ANXA10: variants seen among roughly 807,000 people sequenced by gnomAD.
ANXA10 encodes annexin A10, also known as annexin 14.
A neutral mutation model predicts 53.5 loss-of-function variants in ANXA10; 49 were observed. That is an observed-to-expected ratio of 0.92 (90% confidence interval 0.73 to 1.16). ANXA10 has a LOEUF of 1.16. Among genes scored for constraint, ANXA10 ranks in the 50% most tolerant of loss-of-function variants. ANXA10 has a pLI of 0.00. For synonymous variants in ANXA10, 131 were observed against 128.9 expected (o/e 1.02, Z -0.11); for missense variants, 393 against 394.4 (o/e 1.00, Z 0.03).
intron 1 of ANXA10, among the ~76,000 whole-genome samples, chr4:168,094,171 T>A (rs1730507030): frequency 6.6e-6 from 1 of 152,172 alleles, no homozygotes; most frequent in Admixed American, 6.5e-5. Context: ...AATATTTAAA[T>A]TATATTTCTG....
intron 1 of ANXA10, among the ~76,000 whole-genome samples, chr4:168,126,575 T>C (rs946817725): frequency 1.1e-4 from 17 of 152,174 alleles, no homozygotes; most frequent in Non-Finnish European, 2.4e-4. Context: ...TATTCATTCA[T>C]AGATGTGGTT....
At chr4:168,134,525 AT>A (rs1731206426) in intron 2 of ANXA10, among the ~76,000 whole-genome samples, 1 of 152,220 alleles carries the variant, frequency 6.6e-6, no homozygotes, top group African/African-American at 2.4e-5. Flanking sequence ...AATAGTAAGA[AT>A]AAGACAAAGA....
chr4:168,146,734 C>G (rs1197738797), intron 3 of ANXA10, among the ~76,000 whole-genome samples: 1 of 152,102 alleles, frequency 6.6e-6, no homozygotes, highest in Non-Finnish European at 1.5e-5. Context: ...GTTATCAGAA[C>G]CTGCATTTTT....
intron 2 of ANXA10, among the ~76,000 whole-genome samples, chr4:168,136,199 G>A (rs879416093): frequency 1.3e-5 from 2 of 152,106 alleles, no homozygotes; most frequent in Non-Finnish European, 2.9e-5. Context: ...CATGAGCTTT[G>A]CAAAGAGACA....
intron 3 of ANXA10, among the ~76,000 whole-genome samples, chr4:168,140,890 G>A (rs1305599310): frequency 2.6e-5 from 4 of 152,226 alleles, no homozygotes; most frequent in Non-Finnish European, 1.5e-5. Context: ...AAAGTGTTGG[G>A]ATTACAGGCG....
intron 10 of ANXA10, 95 bp downstream of exon 10, chr4:168,181,836 A>AT (rs1732254148): frequency 2.1e-6 from 2 of 961,630 alleles, no homozygotes; most frequent in South Asian, 2.8e-5. Context: ...GTTCATTACC[A>AT]TTTTTGAACT....
Position 168,156,171 on chromosome 4 carries a change from T to A in ANXA10, c.196-6357T>A, listed in dbSNP as rs28802105. On this transcript the variant is annotated intron_variant, in intron 3 of 11. Coordinates refer to ENST00000359299, the MANE Select transcript of ANXA10 (RefSeq NM_007193.5). ...TAATATATATTATATATTATATATA[T>A]TATATTATATATTATATATTATATA... Among the ~76,000 whole-genome samples the A allele has an allele frequency of 3.5e-4, 11 of 31,236 alleles. No homozygotes were observed. In the South Asian group the frequency reaches 0.011, roughly 30 times the overall value. The allele number at this position is 31,236 out of a possible 152,430, so 20.5% of individuals were successfully genotyped here.
At chr4:168,173,846 T>A (rs990318780) in intron 6 of ANXA10, among the ~76,000 whole-genome samples, 1 of 152,192 alleles carries the variant, frequency 6.6e-6, no homozygotes, top group Non-Finnish European at 1.5e-5. Flanking sequence ...AATTGGTTTT[T>A]TACACTGTTG....
At chr4:168,130,330 T>C (rs1314471389) in intron 2 of ANXA10, among the ~76,000 whole-genome samples, 1 of 152,130 alleles carries the variant, frequency 6.6e-6, no homozygotes, top group African/African-American at 2.4e-5. Flanking sequence ...CACTTAATCA[T>C]GAAATATAAT....
At chr4:168,153,454 C>CAAA (rs1560782337) in intron 3 of ANXA10, among the ~76,000 whole-genome samples, 3 of 33,776 alleles carry the variant, frequency 8.9e-5, no homozygotes, top group Non-Finnish European at 1.4e-4. Flanking sequence ...AAAACAAAAA[C>CAAA]AAAACAAAAA....
chr4:168,181,541 TAGTGTTACCATTATTCTA>T (rs1407790365), intron 9 of ANXA10, 124 bp from the exon 10 acceptor site: 12 of 709,366 alleles, frequency 1.7e-5, no homozygotes, highest in Non-Finnish European at 2.7e-5. Flanking sequence ...CTGTGGCTTA[TAGTGTTACCATTATTCTA>T]AGTGTTGACC....
At chr4:168,165,670 ATTTCTTTCTTTC>A (rs145800072) in intron 6 of ANXA10, among the ~76,000 whole-genome samples, 1 of 151,914 alleles carries the variant, frequency 6.6e-6, no homozygotes, top group African/African-American at 2.4e-5. Flanking sequence ...ATTAGAAATA[ATTTCTTTCTTTC>A]TTTCTTTCTT....
intron 6 of ANXA10, among the ~76,000 whole-genome samples, chr4:168,168,677 C>T (rs1361913574): frequency 6.6e-6 from 1 of 152,178 alleles, no homozygotes; most frequent in Non-Finnish European, 1.5e-5. Flanking sequence ...CCTCGGCCTC[C>T]CAAAGTGCTG....
Position 168,187,349 on chromosome 4 carries a change from T to C in ANXA10, c.907-17T>C, listed in dbSNP as rs3792714. 0.015 allele frequency: 22,450 copies of C among 1,516,774 alleles called. 1,457 individuals are homozygous for C. In the East Asian group the frequency reaches 0.16, roughly 11 times the overall value. 94.0% of individuals were successfully genotyped at this position (1,516,774 alleles called of 1,614,324 possible). Reference sequence around the variant, plus strand: ...TTATGATATTTTATTTCAAATATATTATATTTTTCTTTTCAGAATTTTGCT... The same window carrying C: ...TTATGATATTTTATTTCAAATATATCATATTTTTCTTTTCAGAATTTTGCT... On this transcript the variant is annotated splice_polypyrimidine_tract_variant and intron_variant, in intron 11 of 11. Coordinates refer to ENST00000359299, the MANE Select transcript of ANXA10 (RefSeq NM_007193.5).
rs533526883 is a variant in ANXA10, at chr4:168,113,012, G to A, written c.19-15072G>A. ...TACTCCAGCCTGGGTGACAGAGGGA[G>A]ACTCCATCGGAAAAAAAAAAGAAAG... On this transcript the variant is annotated intron_variant, in intron 1 of 11. Transcript: ENST00000359299. Among the ~76,000 whole-genome samples the A allele has an allele frequency of 2.6e-5, 4 of 151,492 alleles. No individual in the cohort carries two copies. In the South Asian group the frequency reaches 6.3e-4, roughly 24 times the overall value.
At chr4:168,099,236 ACC>A (rs1454742270) in intron 1 of ANXA10, among the ~76,000 whole-genome samples, 1 of 151,994 alleles carries the variant, frequency 6.6e-6, no homozygotes, top group Non-Finnish European at 1.5e-5. Flanking sequence ...TTATTGTTCA[ACC>A]CTTTGGAGAT....
intron 8 of ANXA10, 65 bp downstream of exon 8, chr4:168,178,048 A>G: frequency 2.8e-6 from 4 of 1,430,198 alleles, no homozygotes; most frequent in Non-Finnish European, 3.9e-6. Context: ...AAGGTGGTTA[A>G]CTAGAAACAA....
At chr4:168,152,841 A>G (rs34874163) in intron 3 of ANXA10, among the ~76,000 whole-genome samples, 2 of 149,680 alleles carry the variant, frequency 1.3e-5, no homozygotes, top group Admixed American at 1.3e-4. Flanking sequence ...ATATATATAA[A>G]CAATATATCT....
intron 6 of ANXA10, among the ~76,000 whole-genome samples, chr4:168,173,831 T>C (rs1732065857): frequency 6.6e-6 from 1 of 152,120 alleles, no homozygotes; most frequent in Admixed American, 6.5e-5. Context: ...TTCCTACCCT[T>C]CCCTAATTGG....
Sources: allele counts gnomAD v4.1 joint callset (sites outside exome capture counted in the v4.1 genomes callset), GRCh38; gene constraint gnomAD v4.1.1; transcripts MANE v1.5; gene names NCBI Gene and HGNC (gene_info 2026-07-23, HGNC 2026-07-21).